Variants in C6orf62 observed in about 807,000 individuals in gnomAD.
C6orf62 encodes uncharacterized protein C6orf62.
Under a neutral mutation model 26.8 loss-of-function variants are expected in C6orf62, and 16 were observed. The observed-to-expected ratio is 0.60, with a 90% confidence interval of 0.40 to 0.91. The LOEUF (loss-of-function observed/expected upper bound fraction) is 0.91. Among genes scored for constraint, C6orf62 ranks in the 40% least tolerant of loss-of-function variants. The pLI, the probability that C6orf62 is intolerant of heterozygous loss-of-function variation, is 0.00. For synonymous variants in C6orf62, 112 were observed against 91.5 expected (o/e 1.22, Z -1.28); for missense variants, 192 against 271.4 (o/e 0.71, Z 2.06).
chr6:24,715,260 C>T (rs1207828756), intron 2 of C6orf62, among the ~76,000 whole-genome samples: 8 of 152,158 alleles, frequency 5.3e-5, no homozygotes, highest in Admixed American at 5.2e-4. Flanking sequence ...CTGGTTATCT[C>T]CAGCATTCTC....
At chr6:24,719,821 T>TGCCAC, upstream of C6orf62, 1 of 829,412 alleles carries the variant, frequency 1.2e-6, no homozygotes. Flanking sequence ...CCCCCGCAGG[T>TGCCAC]CCCACCCCCA....
intron 2 of C6orf62, 41 bp from the exon 3 acceptor site, chr6:24,714,481 A>C: frequency 2.7e-6 from 4 of 1,474,178 alleles, no homozygotes; most frequent in Non-Finnish European, 3.7e-6. Context: ...CTTTTAAAGA[A>C]ACAGCTACAT....
At chr6:24,706,824 C>G (rs1779019542) in intron 4 of C6orf62, 1 of 153,422 alleles carries the variant, frequency 6.5e-6, no homozygotes, top group African/African-American at 2.4e-5. Context: ...GGTGGATAAC[C>G]TGCGCCCAGG....
intron 1 of C6orf62, 84 bp from the exon 2 acceptor site, chr6:24,716,408 T>A: frequency 1.1e-6 from 1 of 945,062 alleles, no homozygotes; most frequent in Non-Finnish European, 1.6e-6. Flanking sequence ...CATGTAACAT[T>A]AACTCCACAA....
chr6:24,718,779 G>A lies in C6orf62; in HGVS notation c.-111C>T, dbSNP rs1779290980. 1.9e-6 allele frequency: 3 copies of A among 1,564,180 alleles called. No individual in the cohort carries two copies. Among genetic ancestry groups the A allele is most frequent in the Admixed American group, 2.2e-5 (1 of 46,506 alleles). ...AAGTCATTTTTTTTCCTGCTAATAT[G>A]ATTGATTAGCGAAAATCACGACTAT... On this transcript the variant is annotated 5_prime_UTR_variant, in exon 1 of 5. Coordinates refer to ENST00000378119, the MANE Select transcript of C6orf62 (RefSeq NM_030939.5).
intron 3 of C6orf62, among the ~76,000 whole-genome samples, chr6:24,714,053 T>C (rs894051858): frequency 6.6e-6 from 1 of 152,188 alleles, no homozygotes; most frequent in Admixed American, 6.5e-5. Flanking sequence ...TGTGGGCCCC[T>C]CTATAAATCA....
In C6orf62 at chr6:24,705,501, A is replaced by C. The variant is rs540394319; in HGVS notation, c.*636T>G. 1 of 152,574 alleles carries C rather than the reference A, an allele frequency of 6.6e-6. No homozygotes were observed. Among genetic ancestry groups the C allele is most frequent in the South Asian group, 2.1e-4 (1 of 4,820 alleles). 9.5% of individuals were successfully genotyped at this position (152,574 alleles called of 1,614,324 possible). A position where few individuals can be genotyped will look rare whatever the true frequency, so the allele number is the denominator to read the frequency against. ...ACTCTTACAATAGCAACTTGGGGAA[A>C]GAGATCTGGAAAAAAAAAATACATG... On this transcript the variant is annotated 3_prime_UTR_variant, in exon 5 of 5. Transcript: ENST00000378119.
chr6:24,709,788 A>G, intron 3 of C6orf62: 1 of 985,488 alleles, frequency 1.0e-6, no homozygotes, highest in Non-Finnish European at 1.2e-6. Context: ...ACCAAATGCT[A>G]CATGACATGA....
intron 1 of C6orf62, among the ~76,000 whole-genome samples, chr6:24,717,156 G>A (rs1217841509): frequency 6.6e-6 from 1 of 152,090 alleles, no homozygotes; most frequent in Non-Finnish European, 1.5e-5. Context: ...AATTATTCAG[G>A]GCAACTGCAT....
chr6:24,709,288 T>G (rs1779074345), intron 3 of C6orf62: 6 of 985,370 alleles, frequency 6.1e-6, no homozygotes, highest in African/African-American at 1.7e-5. Flanking sequence ...TAAATCCTAG[T>G]ACTCCACGAT....
At chr6:24,710,013 A>G in intron 3 of C6orf62, 2 of 984,776 alleles carry the variant, frequency 2.0e-6, no homozygotes, top group African/African-American at 1.7e-5. Flanking sequence ...AACATAAAAT[A>G]TGATACAGCA....
chr6:24,709,966 T>A (rs754843196), intron 3 of C6orf62: 1 of 985,292 alleles, frequency 1.0e-6, no homozygotes, highest in African/African-American at 1.7e-5. Context: ...TCCTGCTATG[T>A]AGCATTTTAT....
At chr6:24,719,580 A>G, upstream of C6orf62, 12 of 1,344,552 alleles carry the variant, frequency 8.9e-6, no homozygotes, top group Non-Finnish European at 1.1e-5. Flanking sequence ...AGGGGTATAT[A>G]ATACGGTATT....
Position 24,719,023 on chromosome 6 carries a change from C to G in C6orf62, c.-355G>C. ...AAGGCTTTGCGGAGAAATGAAAAGC[C>G]TATAATCAGGATTTAGGTGTGCAAT... On this transcript the variant is annotated 5_prime_UTR_variant, in exon 1 of 5. Transcript: ENST00000378119. 1 of 1,111,336 alleles carries G rather than the reference C, an allele frequency of 9.0e-7. No homozygotes were observed. The highest frequency in any genetic ancestry group is 1.1e-6 in the Non-Finnish European group (1 of 906,494). 68.8% of individuals were successfully genotyped at this position (1,111,336 alleles called of 1,614,324 possible).
intron 2 of C6orf62, 25 bp from the exon 3 acceptor site, chr6:24,714,465 A>G (rs756669011): frequency 6.8e-7 from 1 of 1,468,532 alleles, no homozygotes; most frequent in Non-Finnish European, 9.3e-7. Context: ...AAAAAAAAAA[A>G]GTTTACTTTT....
upstream of C6orf62, chr6:24,719,556 A>T (rs1779310205): frequency 2.5e-6 from 3 of 1,213,406 alleles, no homozygotes; most frequent in East Asian, 4.3e-5. Flanking sequence ...GAGAATCATG[A>T]CGGCAGAAGG....
chr6:24,714,466 G>T, intron 2 of C6orf62, 26 bp from the exon 3 acceptor site: 2 of 1,338,628 alleles, frequency 1.5e-6, no homozygotes, highest in Non-Finnish European at 2.0e-6. Flanking sequence ...AAAAAAAAAA[G>T]TTTACTTTTA....
At chr6:24,719,182 A>G (rs1779303010), upstream of C6orf62, 2 of 916,140 alleles carry the variant, frequency 2.2e-6, no homozygotes, top group Non-Finnish European at 2.6e-6. Flanking sequence ...AAAACTCACC[A>G]AAACCAAAAC....
intron 2 of C6orf62, among the ~76,000 whole-genome samples, chr6:24,715,557 T>A (rs1452842358): frequency 6.6e-6 from 1 of 152,074 alleles, no homozygotes; most frequent in African/African-American, 2.4e-5. Context: ...TAAAAACAGT[T>A]GGCTACTGGC....
Sources: gnomAD v4.1 joint callset for allele counts (sites outside exome capture counted in the v4.1 genomes callset) on GRCh38, gnomAD v4.1.1 for gene constraint, MANE v1.5 for transcripts, NCBI Gene and HGNC (gene_info 2026-07-23, HGNC 2026-07-21) for gene names.